Variants in PHLPP1 observed in about 807,000 individuals in gnomAD.
PHLPP1 encodes the protein PH domain leucine-rich repeat-containing protein phosphatase 1.
A neutral mutation model predicts 117.2 loss-of-function variants in PHLPP1; 42 were observed. The ratio of observed to expected loss-of-function variants is 0.36; its 90% CI spans 0.28 to 0.46. The LOEUF is 0.46. PHLPP1 is among the 20% of genes least tolerant of loss of function. The probability of loss-of-function intolerance (pLI) is 1.00; values close to 1 mark genes in which losing one functional copy is unlikely to be tolerated. For synonymous variants in PHLPP1, 1,042 were observed against 970.7 expected, an observed-to-expected ratio of 1.07 and a Z score of -1.37; for missense variants, 2,084 against 2,241.9, an observed-to-expected ratio of 0.93 and a Z score of 1.42.
At chr18:62,914,295 T>C (rs1917040949) in intron 8 of PHLPP1, among the ~76,000 whole-genome samples, 1 of 152,234 alleles carries the variant, frequency 6.6e-6, no homozygotes, top group Non-Finnish European at 1.5e-5. Context: ...TCGTGTGTTT[T>C]TATGTTCAAT....
intron 4 of PHLPP1, among the ~76,000 whole-genome samples, chr18:62,869,659 C>T (rs1442116509): frequency 1.3e-5 from 2 of 152,210 alleles, no homozygotes; most frequent in Non-Finnish European, 2.9e-5. Context: ...TACCAAGTGA[C>T]ATATTATCAG....
At chr18:62,768,582 G>C (rs1042330375) in intron 1 of PHLPP1, among the ~76,000 whole-genome samples, 1 of 152,310 alleles carries the variant, frequency 6.6e-6, no homozygotes, top group South Asian at 2.1e-4. Flanking sequence ...AAAATTCTCT[G>C]TCCTAAATTG....
intron 3 of PHLPP1, among the ~76,000 whole-genome samples, chr18:62,854,176 A>AT (rs1458730817): frequency 6.6e-6 from 1 of 152,250 alleles, no homozygotes; most frequent in Non-Finnish European, 1.5e-5. Flanking sequence ...GTCTGTGGTT[A>AT]TAAGTACAGT....
chr18:62,718,725 T>A (rs1232352739), intron 1 of PHLPP1, among the ~76,000 whole-genome samples: 1 of 152,194 alleles, frequency 6.6e-6, no homozygotes, highest in Non-Finnish European at 1.5e-5. Flanking sequence ...TGTAAAATAT[T>A]GTTATTTTAC....
At position 62,931,691 on chromosome 18, in the gene PHLPP1, G is replaced by C. The variant is rs572732376; in HGVS notation, c.2961-10027G>C. On this transcript the variant is annotated intron_variant, in intron 10 of 16. Coordinates refer to ENST00000262719, the MANE Select transcript of PHLPP1 (RefSeq NM_194449.4). ...AGGTGGATCATAAGGTCAAGAGTTT[G>C]AGACCAGCCTGGCCAATATGGTGAA... Among the ~76,000 whole-genome samples the C allele has an allele frequency of 3.3e-5, 5 of 151,646 alleles. No homozygotes were observed. In the South Asian group the frequency reaches 1.0e-3, roughly 32 times the overall value.
chr18:62,892,057 TTTTCTTTCTTTTC>T (rs1444746950), intron 4 of PHLPP1, among the ~76,000 whole-genome samples: 166 of 149,466 alleles, frequency 1.1e-3, no homozygotes, highest in African/African-American at 3.9e-3. Context: ...TTTCTTTTCA[TTTTCTTTCTTTTC>T]TTTCTTTCTT....
chr18:62,777,515 A>G (rs969936687), intron 1 of PHLPP1, among the ~76,000 whole-genome samples: 2 of 149,834 alleles, frequency 1.3e-5, no homozygotes, highest in Non-Finnish European at 3.0e-5. Flanking sequence ...ATATTTTATT[A>G]TATATTTCTT....
intron 1 of PHLPP1, among the ~76,000 whole-genome samples, chr18:62,758,610 T>C (rs117623915): frequency 1.3e-5 from 2 of 152,302 alleles, no homozygotes; most frequent in East Asian, 3.8e-4. Flanking sequence ...GTTGAGTGGA[T>C]TGGTCTGAGG....
intron 1 of PHLPP1, among the ~76,000 whole-genome samples, chr18:62,761,653 A>AAAAAAAT (rs1568106858): frequency 1.3e-5 from 2 of 151,572 alleles, no homozygotes; most frequent in African/African-American, 4.8e-5. Context: ...AAATAAAAAT[A>AAAAAAAT]AAAAAATAAA....
In PHLPP1 at chr18:62,972,535, G is replaced by A. The variant is rs1188004117; in HGVS notation, c.3582G>A (p.Ser1194=). Residue 1194 remains serine (S), a synonymous_variant, in exon 15 of 17, where the codon TCG becomes TCA. Transcript: ENST00000262719. Reference sequence around the variant, plus strand: ...GCAGGTTGTGTGTCGCAGCCCTGTCGGTGAATAACTTCTGTGACAACCGCG... The same window carrying A: ...GCAGGTTGTGTGTCGCAGCCCTGTCAGTGAATAACTTCTGTGACAACCGCG... ...VKNKLCVAAL[S]VNNFCDNREA... is the part of the protein sequence containing the mutation. 12 of 1,612,654 alleles carry A rather than the reference G, an allele frequency of 7.4e-6. No homozygotes were observed. The highest frequency in any genetic ancestry group is 1.9e-4 in the Middle Eastern group (1 of 5,162).
intron 4 of PHLPP1, among the ~76,000 whole-genome samples, chr18:62,870,040 G>A (rs547603237): frequency 2.1e-4 from 32 of 152,206 alleles, no homozygotes; most frequent in African/African-American, 7.2e-4. Flanking sequence ...CTACAGGTGC[G>A]CGCCAACACG....
intron 12 of PHLPP1, among the ~76,000 whole-genome samples, chr18:62,949,296 T>A (rs1459819383): frequency 6.6e-6 from 1 of 152,236 alleles, no homozygotes; most frequent in Non-Finnish European, 1.5e-5. Flanking sequence ...ACCAAAGTTT[T>A]AAAAACAGTT....
chr18:62,728,292 C>CAA (rs11374202), intron 1 of PHLPP1, among the ~76,000 whole-genome samples: 18 of 133,562 alleles, frequency 1.3e-4, no homozygotes, highest in African/African-American at 3.2e-4. Context: ...GAGACTGACT[C>CAA]AAAAAAAAAA....
At chr18:62,745,275 A>G (rs1911643307) in intron 1 of PHLPP1, among the ~76,000 whole-genome samples, 1 of 152,160 alleles carries the variant, frequency 6.6e-6, no homozygotes, top group Non-Finnish European at 1.5e-5. Context: ...CCAGGAGAAT[A>G]TTTAGTTTAT....
At chr18:62,787,356 C>T (rs948707145) in intron 1 of PHLPP1, among the ~76,000 whole-genome samples, 1 of 152,008 alleles carries the variant, frequency 6.6e-6, no homozygotes, top group African/African-American at 2.4e-5. Context: ...TTAATAGAGA[C>T]GGGTTTTCGC....
At chr18:62,823,591 A>G (rs1231198064) in intron 1 of PHLPP1, among the ~76,000 whole-genome samples, 5 of 143,158 alleles carry the variant, frequency 3.5e-5, no homozygotes, top group Admixed American at 3.4e-4. Flanking sequence ...ATCTACATAT[A>G]TTATATATCT....
In PHLPP1 at chr18:62,716,547, G is replaced by A; in HGVS notation, c.864G>A (p.Pro288=). 3.4e-6 allele frequency: 4 copies of A among 1,183,234 alleles called. No individual in the cohort carries two copies. The highest frequency in any genetic ancestry group is 2.1e-6 in the Non-Finnish European group (2 of 957,352). 73.3% of individuals were successfully genotyped at this position (1,183,234 alleles called of 1,614,324 possible). ...DSEVPPARSA[P]GAFGGPPRAP... ...AGGTACCGCCCGCGAGGAGCGCGCCGGGTGCCTTCGGGGGGCCTCCGCGCG... is the reference window on the plus strand; with the variant it reads ...AGGTACCGCCCGCGAGGAGCGCGCCAGGTGCCTTCGGGGGGCCTCCGCGCG... Residue 288 remains proline (P), a synonymous_variant, in exon 1 of 17, where the codon CCG becomes CCA. Coordinates refer to ENST00000262719, the MANE Select transcript of PHLPP1 (RefSeq NM_194449.4). The surrounding 1 kb of genome is among the most constrained non-coding windows in gnomAD (Gnocchi z 5.7).
At chr18:62,903,258 G>A (rs1848543632) in intron 7 of PHLPP1, 92 bp downstream of exon 7, 2 of 878,690 alleles carry the variant, frequency 2.3e-6, no homozygotes, top group Non-Finnish European at 1.8e-6. Flanking sequence ...CTTTGCTCAA[G>A]TAGTTAGTAA....
chr18:62,831,483 G>A (rs567174553), intron 2 of PHLPP1, among the ~76,000 whole-genome samples: 2 of 151,976 alleles, frequency 1.3e-5, no homozygotes, highest in African/African-American at 2.4e-5. Context: ...GACTACAGGC[G>A]CATGACACCA....
Sources: allele counts gnomAD v4.1 joint callset (sites outside exome capture counted in the v4.1 genomes callset), GRCh38; gene constraint gnomAD v4.1.1; non-coding constraint Gnocchi (gnomAD v3.1); transcripts MANE v1.5; gene names NCBI Gene and HGNC (gene_info 2026-07-23, HGNC 2026-07-21).